Variants in DERPC observed in about 807,000 individuals in gnomAD.
DERPC encodes the protein decreased expression in renal and prostate cancer protein.
A neutral mutation model predicts 7.2 loss-of-function variants in DERPC; 1 was observed. That is an observed-to-expected ratio of 0.14 (90% confidence interval 0.05 to 0.66). DERPC has a LOEUF of 0.66. Among genes scored for constraint, DERPC ranks in the 30% least tolerant of loss-of-function variants. The pLI is 0.84. For synonymous variants in DERPC, 185 were observed against 117.6 expected (o/e 1.57, Z -3.71); for missense variants, 502 against 299.4 (o/e 1.68, Z -4.99).
chr16:69,128,316 G>A (rs1016168388), intron 1 of DERPC, among the ~76,000 whole-genome samples: 3 of 152,186 alleles, frequency 2.0e-5, no homozygotes, highest in Non-Finnish European at 4.4e-5. Flanking sequence ...TGCAGAGCCA[G>A]GGAGAGACTT....
chr16:69,132,586 A>G lies in DERPC; in HGVS notation c.-382T>C. On this transcript the variant is annotated 5_prime_UTR_variant, in exon 1 of 3. Transcript: ENST00000519520. ...CGCGAGCACTGCCTGCGCACTTCCG[A>G]CTATGCGCCAGGAGCACTTCCGGGG... The G allele has an allele frequency of 2.5e-6, 1 of 407,360 alleles. No individual in the cohort carries two copies. The highest frequency in any genetic ancestry group is 1.6e-5 in the South Asian group (1 of 60,816). 25.2% of individuals were successfully genotyped at this position (407,360 alleles called of 1,614,324 possible). A position where few individuals can be genotyped will look rare whatever the true frequency, so the allele number is the denominator to read the frequency against.
At chr16:69,126,495 C>G (rs1319696240) in intron 1 of DERPC, among the ~76,000 whole-genome samples, 1 of 152,216 alleles carries the variant, frequency 6.6e-6, no homozygotes, top group African/African-American at 2.4e-5. Flanking sequence ...TACCAGACAT[C>G]TAGCAATGCT....
Position 69,118,778 on chromosome 16 carries a change from C to T in DERPC, c.*76G>A. The T allele has an allele frequency of 1.6e-6, 1 of 644,422 alleles. No individual in the cohort carries two copies. Among genetic ancestry groups the T allele is most frequent in the Non-Finnish European group, 2.8e-6 (1 of 358,388 alleles). The allele number at this position is 644,422 out of a possible 1,614,324, so 39.9% of individuals were successfully genotyped here. ...TCTTCAGACTGTAGCTCCACAACTACCCTTTTACCTAAGACAGCCCCTGCC... is the reference window on the plus strand; with the variant it reads ...TCTTCAGACTGTAGCTCCACAACTATCCTTTTACCTAAGACAGCCCCTGCC... On this transcript the variant is annotated 3_prime_UTR_variant, in exon 3 of 3. Coordinates refer to ENST00000519520, the MANE Select transcript of DERPC (RefSeq NM_001002847.4).
chr16:69,121,671 GT>G (rs893564251), intron 1 of DERPC, among the ~76,000 whole-genome samples, 178 bp from the exon 2 acceptor site: 104 of 141,220 alleles, frequency 7.4e-4, no homozygotes, highest in Middle Eastern at 7.2e-3. Flanking sequence ...TAGAGATGGG[GT>G]TTTTTTTTTT....
intron 1 of DERPC, among the ~76,000 whole-genome samples, chr16:69,128,691 G>A (rs546984977): frequency 1.3e-5 from 2 of 152,198 alleles, no homozygotes; most frequent in South Asian, 4.1e-4. Flanking sequence ...AAAAGCTTTG[G>A]CTGTAATCAG....
chr16:69,124,029 G>C (rs1330367759), intron 1 of DERPC, among the ~76,000 whole-genome samples: 2 of 151,730 alleles, frequency 1.3e-5, no homozygotes, highest in Non-Finnish European at 2.9e-5. Flanking sequence ...AGTGGAACCT[G>C]GGAGATAAAG....
At position 69,118,765 on chromosome 16, in the gene DERPC, A is replaced by G. The variant is rs1028647527; in HGVS notation, c.*89T>C. On this transcript the variant is annotated 3_prime_UTR_variant, in exon 3 of 3. Transcript: ENST00000519520. ...GCCCAAGCTATGTTCTTCAGACTGT[A>G]GCTCCACAACTACCCTTTTACCTAA... 3.1e-6 allele frequency: 2 copies of G among 639,492 alleles called. No individual in the cohort carries two copies. The highest frequency in any genetic ancestry group is 1.8e-5 in the African/African-American group (1 of 55,042). The allele number at this position is 639,492 out of a possible 1,614,324, so 39.6% of individuals were successfully genotyped here. A position where few individuals can be genotyped will look rare whatever the true frequency, so the allele number is the denominator to read the frequency against.
rs1337390729 is a variant in DERPC at position 69,119,313 on chromosome 16, A to C, written c.1116T>G (p.Ser372=). The change falls in exon 3 of 3, where the codon TCT becomes TCG. Residue 372 remains serine (S), a synonymous_variant. Coordinates refer to ENST00000519520, the MANE Select transcript of DERPC (RefSeq NM_001002847.4). ...TTGATGCCAATGTGCCAGAAGACTG[A>C]GAAAAGGCAGATGAACCTGCTCCCC... The part of the protein sequence containing the change: ...FPRGAGSSAF[S]QSSGTLASNP... The C allele has an allele frequency of 2.0e-5, 14 of 703,092 alleles. No individual in the cohort carries two copies. The highest frequency in any genetic ancestry group is 2.3e-4 in the Middle Eastern group (1 of 4,370). The allele number at this position is 703,092 out of a possible 1,614,324, so 43.6% of individuals were successfully genotyped here.
chr16:69,130,381 G>C (rs1044883222), intron 1 of DERPC, among the ~76,000 whole-genome samples: 2 of 152,058 alleles, frequency 1.3e-5, no homozygotes, highest in Non-Finnish European at 2.9e-5. Flanking sequence ...CTAAACTGGG[G>C]TGAAATCAAT....
Position 69,118,766 on chromosome 16 carries a change from G to T in DERPC, c.*88C>A. The stretch of plus-strand genomic sequence containing the variant: ...CCCAAGCTATGTTCTTCAGACTGTA[G>T]CTCCACAACTACCCTTTTACCTAAG... On this transcript the variant is annotated 3_prime_UTR_variant, in exon 3 of 3. Transcript: ENST00000519520. 1 of 639,360 alleles carries T rather than the reference G, an allele frequency of 1.6e-6. No individual in the cohort carries two copies. Among genetic ancestry groups the T allele is most frequent in the Non-Finnish European group, 2.8e-6 (1 of 356,324 alleles). 39.6% of individuals were successfully genotyped at this position (639,360 alleles called of 1,614,324 possible).
Position 69,118,217 on chromosome 16 carries a change from G to T in DERPC, c.*637C>A. 1.6e-6 allele frequency: 1 copy of T among 627,758 alleles called. No homozygotes were observed. Among genetic ancestry groups the T allele is most frequent in the Non-Finnish European group, 2.9e-6 (1 of 343,976 alleles). 38.9% of individuals were successfully genotyped at this position (627,758 alleles called of 1,614,324 possible). A position where few individuals can be genotyped will look rare whatever the true frequency, so the allele number is the denominator to read the frequency against. ...GGGAGTACCAGTGAAGAGGGAGTTG[G>T]ATGAGTAGAGGGGCCTTAAATCTGG... is the stretch of plus-strand genomic sequence containing the variant. On this transcript the variant is annotated 3_prime_UTR_variant, in exon 3 of 3. Coordinates refer to ENST00000519520, the MANE Select transcript of DERPC (RefSeq NM_001002847.4).
chr16:69,121,126 T>C, intron 2 of DERPC: 1 of 1,613,678 alleles, frequency 6.2e-7, no homozygotes, highest in Non-Finnish European at 8.5e-7. Context: ...GATCTCCCCC[T>C]GTAGCTCCAT....
At chr16:69,131,451 C>G (rs1477445532) in intron 1 of DERPC, 2 of 151,480 alleles carry the variant, frequency 1.3e-5, no homozygotes, top group African/African-American at 2.4e-5. Context: ...CTTTCTAGCC[C>G]GGCGTAGAGT....
intron 1 of DERPC, among the ~76,000 whole-genome samples, chr16:69,127,090 T>A (rs191385400): frequency 6.6e-6 from 1 of 151,960 alleles, no homozygotes; most frequent in Non-Finnish European, 1.5e-5. Context: ...ATACAAAAAT[T>A]AGCCGCGCGT....
chr16:69,122,365 C>CTTTT (rs869246617), intron 1 of DERPC, among the ~76,000 whole-genome samples: 5 of 140,428 alleles, frequency 3.6e-5, no homozygotes, highest in South Asian at 2.2e-4. Flanking sequence ...TAAGGATATT[C>CTTTT]TTTTTTTTTT....
At position 69,120,808 on chromosome 16, in the gene DERPC, C is replaced by T. The variant is rs1961596374; in HGVS notation, c.-221-159G>A. 2 of 729,866 alleles carry T rather than the reference C, an allele frequency of 2.7e-6. No individual in the cohort carries two copies. The highest frequency in any genetic ancestry group is 4.8e-6 in the Non-Finnish European group (2 of 420,358). 45.2% of individuals were successfully genotyped at this position (729,866 alleles called of 1,614,324 possible). A position where few individuals can be genotyped will look rare whatever the true frequency, so the allele number is the denominator to read the frequency against. ...CCACACTGGACCACCCACCCATGTG[C>T]CCTTTTTACTTTCTAGCCCCACATA... On this transcript the variant is annotated intron_variant, in intron 2 of 2. Coordinates refer to ENST00000519520, the MANE Select transcript of DERPC (RefSeq NM_001002847.4). The surrounding 1 kb of genome is among the most constrained non-coding windows in gnomAD (Gnocchi z 4.0).
In DERPC at chr16:69,118,458, A is replaced by G; in HGVS notation, c.*396T>C. The G allele has an allele frequency of 6.3e-7, 1 of 1,592,112 alleles. No homozygotes were observed. The highest frequency in any genetic ancestry group is 8.6e-7 in the Non-Finnish European group (1 of 1,159,970). The stretch of plus-strand genomic sequence containing the variant: ...CACCAACGCCACGTTTCTAGAGAGC[A>G]GTGAGCTGATTCTCCAATGGTGAGC... On this transcript the variant is annotated 3_prime_UTR_variant, in exon 3 of 3. Coordinates refer to ENST00000519520, the MANE Select transcript of DERPC (RefSeq NM_001002847.4).
chr16:69,126,540 A>G (rs914020781), intron 1 of DERPC, among the ~76,000 whole-genome samples: 3 of 152,218 alleles, frequency 2.0e-5, no homozygotes, highest in Non-Finnish European at 4.4e-5. Flanking sequence ...AGGCCTCAGC[A>G]TCTTACCACC....
chr16:69,122,021 C>T (rs1209502404), intron 1 of DERPC, among the ~76,000 whole-genome samples: 1 of 151,372 alleles, frequency 6.6e-6, no homozygotes, highest in Non-Finnish European at 1.5e-5. Context: ...CTCCTGACCT[C>T]GTGATTCACC....
Sources: allele counts gnomAD v4.1 joint callset (sites outside exome capture counted in the v4.1 genomes callset), GRCh38; gene constraint gnomAD v4.1.1; non-coding constraint Gnocchi (gnomAD v3.1); transcripts MANE v1.5; gene names NCBI Gene and HGNC (gene_info 2026-07-23, HGNC 2026-07-21).